The following LRRTM4 variants were observed in gnomAD, a reference collection of about 807,000 sequenced individuals.
The protein encoded by LRRTM4 is leucine rich repeat transmembrane neuronal 4.
Under a neutral mutation model 47.6 loss-of-function variants are expected in LRRTM4, and 25 were observed. The observed-to-expected ratio is 0.53, with a 90% confidence interval of 0.38 to 0.73. The LOEUF is 0.73. Ranked by LOEUF, LRRTM4 falls within the 30% of genes least tolerant of loss-of-function variation. The pLI, the probability that LRRTM4 is intolerant of heterozygous loss-of-function variation, is 0.00. For synonymous variants in LRRTM4, 311 were observed against 269.5 expected, an observed-to-expected ratio of 1.15 and a Z score of -1.51; for missense variants, 638 against 713.4, an observed-to-expected ratio of 0.89 and a Z score of 1.20.
intron 3 of LRRTM4, among the ~76,000 whole-genome samples, chr2:77,020,941 G>A (rs927632115): frequency 3.9e-5 from 6 of 152,076 alleles, no homozygotes; most frequent in East Asian, 1.9e-4. Context: ...TCGAAGTTTC[G>A]AATTTTTGAA....
chr2:77,062,934 C>T (rs10183179), intron 3 of LRRTM4, among the ~76,000 whole-genome samples: 12,407 of 113,408 alleles, frequency 0.11, 1,284 homozygotes, highest in African/African-American at 0.28. Flanking sequence ...TCCTCTTGTT[C>T]TTTTTTAAAA....
At chr2:77,033,776 T>A (rs1678743603) in intron 3 of LRRTM4, among the ~76,000 whole-genome samples, 1 of 151,916 alleles carries the variant, frequency 6.6e-6, no homozygotes, top group Admixed American at 6.6e-5. Flanking sequence ...TGTGGCTTGT[T>A]TGTCTCTTAA....
At chr2:77,124,866 C>G (rs957665063) in intron 3 of LRRTM4, among the ~76,000 whole-genome samples, 1 of 151,972 alleles carries the variant, frequency 6.6e-6, no homozygotes, top group Non-Finnish European at 1.5e-5. Flanking sequence ...TTTTCAAAAC[C>G]GTGTCTGTGG....
chr2:77,335,316 C>A (rs1290348229), intron 3 of LRRTM4, among the ~76,000 whole-genome samples: 5 of 152,080 alleles, frequency 3.3e-5, no homozygotes, highest in Non-Finnish European at 7.4e-5. Flanking sequence ...GATTTTATGA[C>A]CTCTATTTCA....
chr2:77,002,617 C>T (rs1410378864), intron 3 of LRRTM4, among the ~76,000 whole-genome samples: 1 of 152,072 alleles, frequency 6.6e-6, no homozygotes, highest in Admixed American at 6.6e-5. Flanking sequence ...GCAGAATGTG[C>T]CACTCTTCTG....
chr2:77,055,431 A>G (rs556933408), intron 3 of LRRTM4, among the ~76,000 whole-genome samples: 1 of 152,290 alleles, frequency 6.6e-6, no homozygotes, highest in Admixed American at 6.5e-5. Context: ...CAAAAAACAC[A>G]TGAAAAAATG....
intron 3 of LRRTM4, among the ~76,000 whole-genome samples, chr2:77,087,384 A>G (rs1399459730): frequency 6.6e-6 from 1 of 152,254 alleles, no homozygotes; most frequent in African/African-American, 2.4e-5. Context: ...GGCTGCTCTC[A>G]GCAGTTAAGA....
At chr2:77,255,628 T>C (rs981562658) in intron 3 of LRRTM4, among the ~76,000 whole-genome samples, 1 of 151,812 alleles carries the variant, frequency 6.6e-6, no homozygotes, top group African/African-American at 2.4e-5. Context: ...AACAGGAAAA[T>C]CCACAAATAT....
intron 3 of LRRTM4, among the ~76,000 whole-genome samples, chr2:77,178,363 A>ATGCC (rs1459732084): frequency 1.3e-5 from 2 of 152,158 alleles, no homozygotes; most frequent in African/African-American, 4.8e-5. Context: ...CAAGGTGGGC[A>ATGCC]GGTCACGAGG....
chr2:77,025,300 T>C (rs1221884796), intron 3 of LRRTM4, among the ~76,000 whole-genome samples: 1 of 152,184 alleles, frequency 6.6e-6, no homozygotes, highest in East Asian at 1.9e-4. Flanking sequence ...CTAGATACCC[T>C]CTTTTGCTGT....
At chr2:76,930,394 C>G (rs561765161) in intron 3 of LRRTM4, among the ~76,000 whole-genome samples, 24 of 152,194 alleles carry the variant, frequency 1.6e-4, no homozygotes, top group African/African-American at 5.3e-4. Context: ...AATTAGTAAA[C>G]GTGTCTGTGC....
intron 3 of LRRTM4, among the ~76,000 whole-genome samples, chr2:76,894,713 A>T (rs945929990): frequency 3.3e-5 from 5 of 151,964 alleles, no homozygotes. Context: ...TGACCTGGCT[A>T]TTCAACCCTG....
rs1435282915 is a variant in LRRTM4, at chr2:77,044,592, T to A, written c.1552-295676A>T. Reference sequence around the variant, plus strand: ...TGTGCATGCAAAAGGGAGGATTTAGTGGGAGTGAAAACTAGTTTATTTGAT... The same window carrying A: ...TGTGCATGCAAAAGGGAGGATTTAGAGGGAGTGAAAACTAGTTTATTTGAT... On this transcript the variant is annotated intron_variant, in intron 3 of 3. Transcript: ENST00000409884. Among the ~76,000 whole-genome samples, 3 of 151,196 alleles carry A rather than the reference T, an allele frequency of 2.0e-5. No homozygotes were observed. In the South Asian group the frequency reaches 6.2e-4, roughly 31 times the overall value.
chr2:77,434,041 T>C (rs1195925116), intron 3 of LRRTM4, among the ~76,000 whole-genome samples: 1 of 152,118 alleles, frequency 6.6e-6, no homozygotes, highest in Non-Finnish European at 1.5e-5. Context: ...AGCATGTAAG[T>C]TGCTGTAGCA....
intron 3 of LRRTM4, among the ~76,000 whole-genome samples, chr2:76,819,198 T>G (rs141125178): frequency 8.6e-5 from 13 of 151,936 alleles, no homozygotes; most frequent in African/African-American, 3.1e-4. Context: ...AGTCAGTATT[T>G]ATTGCCATGT....
At chr2:76,919,572 G>A (rs917245436) in intron 3 of LRRTM4, among the ~76,000 whole-genome samples, 9 of 152,052 alleles carry the variant, frequency 5.9e-5, no homozygotes, top group Admixed American at 5.9e-4. Flanking sequence ...CCCTCATCCT[G>A]TGACTATCAG....
At position 76,982,939 on chromosome 2, in the gene LRRTM4, ACTT is replaced by A. The variant is rs574328955; in HGVS notation, c.1552-234026_1552-234024del. ...GCAATAGCATAAAAGCATTTTTTAA[ACTT>A]CTTTTTTGTTTTAAGTTACAGATAA... is the stretch of plus-strand genomic sequence containing the variant. On this transcript the variant is annotated intron_variant, in intron 3 of 3. Coordinates refer to ENST00000409884, the MANE Select transcript of LRRTM4 (RefSeq NM_001134745.3). Among the ~76,000 whole-genome samples the A allele has an allele frequency of 2.1e-3, 313 of 152,150 alleles. 1 individual carries two copies. The highest frequency in any genetic ancestry group is 3.1e-3 in the African/African-American group (128 of 41,556).
chr2:76,838,875 G>T (rs188130847), intron 3 of LRRTM4, among the ~76,000 whole-genome samples: 1 of 151,960 alleles, frequency 6.6e-6, no homozygotes, highest in African/African-American at 2.4e-5. Flanking sequence ...TTCATAATTC[G>T]TTATTTAAGG....
intron 3 of LRRTM4, among the ~76,000 whole-genome samples, chr2:77,035,905 T>C (rs889692354): frequency 6.6e-6 from 1 of 151,834 alleles, no homozygotes; most frequent in African/African-American, 2.4e-5. Context: ...TTAGATTCTA[T>C]TAAGCTCTGA....
Sources: allele counts gnomAD v4.1 joint callset (sites outside exome capture counted in the v4.1 genomes callset), GRCh38; gene constraint gnomAD v4.1.1; transcripts MANE v1.5; gene names NCBI Gene and HGNC (gene_info 2026-07-23, HGNC 2026-07-21).